VWA5A: variants seen among roughly 807,000 people sequenced by gnomAD.
VWA5A encodes von Willebrand factor A domain-containing protein 5A.
A neutral mutation model predicts 84.6 loss-of-function variants in VWA5A; 77 were observed. That is an observed-to-expected ratio of 0.91 (90% confidence interval 0.76 to 1.10). The LOEUF is 1.10. Among genes scored for constraint, VWA5A ranks in the 50% least tolerant of loss-of-function variants. The pLI is 0.00. For missense variants in VWA5A, 973 were observed against 963.0 expected (o/e 1.01, Z -0.14); for synonymous variants, 334 against 350.1 (o/e 0.95, Z 0.51).
chr11:124,117,308 T>C (rs1864846811), intron 2 of VWA5A, 189 bp from the exon 3 acceptor site: 5 of 620,264 alleles, frequency 8.1e-6, no homozygotes, highest in Non-Finnish European at 1.1e-5. Flanking sequence ...CTTCCCCACC[T>C]GGGACTGCCA....
In VWA5A at chr11:124,137,252, G is replaced by T; in HGVS notation, c.1863G>T (p.Lys621Asn). 6.2e-7 allele frequency: 1 copy of T among 1,613,972 alleles called. No homozygotes were observed. ...PILLGASAPL[K>N]IKCQSGFRKA... ...TGTTGGGTGCTTCTGCCCCATTGAA[G>T]ATAAAATGCCAATCAGGTAATGAGT... The change falls in exon 15 of 19, where the codon AAG becomes AAT. Residue 621 changes from lysine to asparagine, a missense_variant. Physicochemically the swap from Lys to Asn is moderately conservative, Grantham distance 94. Transcript: ENST00000456829.
At chr11:124,138,306 A>G (rs1343965412) in intron 15 of VWA5A, among the ~76,000 whole-genome samples, 1 of 152,126 alleles carries the variant, frequency 6.6e-6, no homozygotes, top group East Asian at 1.9e-4. Flanking sequence ...TTGGGTATAT[A>G]TCCAGCAGTG....
intron 10 of VWA5A, 69 bp downstream of exon 10, chr11:124,123,873 G>T: frequency 6.7e-7 from 1 of 1,501,672 alleles, no homozygotes; most frequent in Admixed American, 2.5e-5. Context: ...ATGCCCCTGA[G>T]CTTCATGCAG....
chr11:124,121,309 G>A (rs1049218526), intron 7 of VWA5A, among the ~76,000 whole-genome samples: 45 of 151,840 alleles, frequency 3.0e-4, no homozygotes, highest in African/African-American at 1.1e-3. Flanking sequence ...GGTTATTATG[G>A]GTTTAATCTG....
chr11:124,123,188 G>A, intron 8 of VWA5A, 59 bp downstream of exon 8: 2 of 1,571,316 alleles, frequency 1.3e-6, no homozygotes, highest in Admixed American at 3.6e-5. Context: ...GAATCTGAGG[G>A]GTTAAATAAG....
At chr11:124,117,924 T>C (rs1281237414) in intron 4 of VWA5A, 49 bp downstream of exon 4, 4 of 1,595,406 alleles carry the variant, frequency 2.5e-6, no homozygotes, top group Middle Eastern at 1.7e-4. Context: ...TCCTCCCTTC[T>C]TATTTCCTTA....
chr11:124,124,181 G>A, intron 10 of VWA5A, 56 bp from the exon 11 acceptor site: 2 of 1,552,134 alleles, frequency 1.3e-6, no homozygotes, highest in East Asian at 2.3e-5. Flanking sequence ...GGCAAATTCT[G>A]GTTTCTTAAA....
Position 124,146,400 on chromosome 11 carries a change from G to A in VWA5A, c.*455G>A. The A allele has an allele frequency of 1.3e-5, 2 of 155,234 alleles. No individual in the cohort carries two copies. Among genetic ancestry groups the A allele is most frequent in the South Asian group, 2.0e-4 (1 of 5,048 alleles). 9.6% of individuals were successfully genotyped at this position (155,234 alleles called of 1,614,324 possible). On this transcript the variant is annotated 3_prime_UTR_variant, in exon 19 of 19. Transcript: ENST00000456829. Reference sequence around the variant, plus strand: ...GTAAGCTTGCGTAGGAGGAGTTAGAGGGAAGTTGAAAGCCAACATCTGGAT... The same window carrying A: ...GTAAGCTTGCGTAGGAGGAGTTAGAAGGAAGTTGAAAGCCAACATCTGGAT...
At chr11:124,131,418 G>T (rs1290356276) in intron 11 of VWA5A, among the ~76,000 whole-genome samples, 1 of 151,918 alleles carries the variant, frequency 6.6e-6, no homozygotes, top group Non-Finnish European at 1.5e-5. Flanking sequence ...GGACTGCAGT[G>T]GACCGCACAT....
At position 124,141,559 on chromosome 11, in the gene VWA5A, G is replaced by A; in HGVS notation, c.1880-39G>A. 4.3e-6 allele frequency: 7 copies of A among 1,609,820 alleles called. No homozygotes were observed. The South Asian group carries it at 6.6e-5, about 15-fold the overall frequency. ...CACAGTCCTTTGCCCACTGCAGAGA[G>A]CAGGGAGTGCCACTGTCTTAATGTT... On this transcript the variant is annotated intron_variant, in intron 15 of 18. Transcript: ENST00000456829.
chr11:124,129,537 T>C (rs1194469419), intron 11 of VWA5A, among the ~76,000 whole-genome samples: 3 of 152,182 alleles, frequency 2.0e-5, no homozygotes, highest in Non-Finnish European at 4.4e-5. Flanking sequence ...TTGTTTGGAA[T>C]AGTTTCAGAA....
At chr11:124,118,046 A>C in intron 4 of VWA5A, 143 bp from the exon 5 acceptor site, 6 of 1,291,236 alleles carry the variant, frequency 4.6e-6, no homozygotes, top group Non-Finnish European at 6.3e-6. Flanking sequence ...CATTTGGGGA[A>C]AGAAATCAAT....
chr11:124,131,650 C>T (rs1591361868), intron 11 of VWA5A, among the ~76,000 whole-genome samples: 1 of 151,324 alleles, frequency 6.6e-6, no homozygotes, highest in East Asian at 1.9e-4. Context: ...CTTGTTTTAC[C>T]TTGACTTGTA....
intron 12 of VWA5A, among the ~76,000 whole-genome samples, chr11:124,135,276 G>A (rs1865157573): frequency 6.6e-6 from 1 of 152,196 alleles, no homozygotes; most frequent in South Asian, 2.1e-4. Context: ...GAGACAAGAT[G>A]CTGACAGGGA....
In VWA5A at chr11:124,145,884, T is replaced by C. The variant is rs1860812332; in HGVS notation, c.2300T>C (p.Val767Ala). The change falls in exon 19 of 19, where the codon GTT becomes GCT. Residue 767 changes from valine to alanine, a missense_variant. Transcript: ENST00000456829. ...ACCACAGGCTCCACCATGCCTTCGGTTGTGAAAGCTGCTATTACTTTCCTG... is the reference window on the plus strand; with the variant it reads ...ACCACAGGCTCCACCATGCCTTCGGCTGTGAAAGCTGCTATTACTTTCCTG... ...RAHAGSTMPS[V>A]VKAAITFLKS... is the part of the protein sequence containing the mutation. 1 of 1,585,034 alleles carries C rather than the reference T, an allele frequency of 6.3e-7. No homozygotes were observed. The highest frequency in any genetic ancestry group is 2.3e-5 in the East Asian group (1 of 44,208).
intron 15 of VWA5A, among the ~76,000 whole-genome samples, chr11:124,141,156 A>T (rs1201418878): frequency 6.6e-6 from 1 of 152,262 alleles, no homozygotes; most frequent in African/African-American, 2.4e-5. Flanking sequence ...AGTAGACAAT[A>T]GTGACGACAT....
intron 7 of VWA5A, among the ~76,000 whole-genome samples, chr11:124,121,702 G>T (rs930358461): frequency 2.0e-5 from 3 of 152,200 alleles, no homozygotes; most frequent in Admixed American, 2.0e-4. Flanking sequence ...TGAAAACAAA[G>T]AAGCTGAGAC....
chr11:124,118,857 A>G, intron 6 of VWA5A, 118 bp from the exon 7 acceptor site: 2 of 1,344,630 alleles, frequency 1.5e-6, no homozygotes, highest in Non-Finnish European at 2.1e-6. Context: ...CCTTCTCTCC[A>G]GCCTCACCTC....
chr11:124,143,949 A>T (rs1050359916), intron 17 of VWA5A, among the ~76,000 whole-genome samples: 3 of 152,144 alleles, frequency 2.0e-5, no homozygotes, highest in African/African-American at 7.2e-5. Context: ...TGGACCAAGT[A>T]CAAATTAGTT....
Sources: allele counts gnomAD v4.1 joint callset (sites outside exome capture counted in the v4.1 genomes callset), GRCh38; gene constraint gnomAD v4.1.1; transcripts MANE v1.5; gene names NCBI Gene and HGNC (gene_info 2026-07-23, HGNC 2026-07-21).